PLA2G4B: variants seen among roughly 807,000 people sequenced by gnomAD.
PLA2G4B encodes the protein cytosolic phospholipase A2 beta.
Under a neutral mutation model 95.8 loss-of-function variants are expected in PLA2G4B, and 122 were observed. The observed-to-expected ratio is 1.27, with a 90% CI of 1.10 to 1.48. The LOEUF (loss-of-function observed/expected upper bound fraction) is 1.48. PLA2G4B is among the 40% of genes most tolerant of loss of function. The pLI, the probability that PLA2G4B is intolerant of heterozygous loss-of-function variation, is 0.00. For missense variants in PLA2G4B, 1,158 were observed against 996.2 expected, an observed-to-expected ratio of 1.16 and a Z score of -2.19; for synonymous variants, 518 against 421.5, an observed-to-expected ratio of 1.23 and a Z score of -2.80.
chr15:41,845,053 G>T lies in PLA2G4B; in HGVS notation c.1222G>T (p.Ala408Ser). Residue 408 changes from alanine to serine, a missense_variant, in exon 13 of 20, where the codon GCG (alanine) becomes TCG (serine). By Grantham distance (99) the Ala-to-Ser change is moderately conservative (BLOSUM62 1). Transcript: ENST00000458483. Reference protein sequence around the residue: ...FTNLWALINEALLHDEPHDHK... With the variant: ...FTNLWALINESLLHDEPHDHK... ...CAACCTGTGGGCCCTCATCAACGAG[G>T]CGCTGCTGCATGATGAGGTGCGGGG... The T allele has an allele frequency of 6.3e-7, 1 of 1,598,220 alleles. No individual in the cohort carries two copies. Among genetic ancestry groups the T allele is most frequent in the South Asian group, 1.1e-5 (1 of 89,184 alleles).
Position 41,841,277 on chromosome 15 carries a change from A to G in PLA2G4B, c.435+4A>G. On this transcript the variant is annotated splice_donor_region_variant and intron_variant, in intron 6 of 19. Transcript: ENST00000458483. ...CGTCAGCAATGGCGTTCTGGTGGTG[A>G]GTGTGCCAGTGCTCTGGGAGGCGGT... is the stretch of plus-strand genomic sequence containing the variant. The G allele has an allele frequency of 6.2e-7, 1 of 1,612,226 alleles. No homozygotes were observed.
chr15:41,846,556 T>G, intron 17 of PLA2G4B, 113 bp from the exon 18 acceptor site: 1 of 1,512,682 alleles, frequency 6.6e-7, no homozygotes, highest in African/African-American at 1.4e-5. Context: ...TGCAGGGCTG[T>G]GGGGGTGTTG....
chr15:41,840,444 C>T, intron 2 of PLA2G4B, 80 bp from the exon 3 acceptor site: 1 of 1,607,578 alleles, frequency 6.2e-7, no homozygotes, highest in Non-Finnish European at 8.5e-7. Flanking sequence ...CCACATGGGG[C>T]TCTAGGTGAT....
rs771430692 is a variant in PLA2G4B, at chr15:41,846,062, C to A, written c.1600+15C>A. The A allele has an allele frequency of 6.4e-6, 10 of 1,569,418 alleles. No homozygotes were observed. In the South Asian group the frequency reaches 7.0e-5, roughly 11 times the overall value. On this transcript the variant is annotated intron_variant, in intron 16 of 19. Coordinates refer to ENST00000458483, the MANE Select transcript of PLA2G4B (RefSeq NM_001114633.2). ...GGCCAACCTGGGTAAGTGCTCCGGG[C>A]CCTTCATAAGGGTGCCAAGGGGCAG...
chr15:41,842,364 G>A (rs1047829684), intron 9 of PLA2G4B, 88 bp downstream of exon 9: 12 of 1,581,020 alleles, frequency 7.6e-6, no homozygotes, highest in South Asian at 5.7e-5. Context: ...CCGCTTCTCC[G>A]TGGGTCACAC....
At position 41,840,217 on chromosome 15, in the gene PLA2G4B, C is replaced by G. The variant is rs2065400337; in HGVS notation, c.69C>G (p.Pro23=). Residue 23 remains proline, a synonymous_variant, in exon 2 of 20, where the codon CCC becomes CCG. Coordinates refer to ENST00000458483, the MANE Select transcript of PLA2G4B (RefSeq NM_001114633.2). ...TVRVLQAHRL[P]SKDLVTPSDC... ...GTGTCCTGCAGGCCCATCGCCTACC[C>G]TCTAAGGACCTAGGTGAGTGCGCAC... The G allele has an allele frequency of 6.2e-7, 1 of 1,613,182 alleles. No individual in the cohort carries two copies. Among genetic ancestry groups the G allele is most frequent in the Non-Finnish European group, 8.5e-7 (1 of 1,180,016 alleles).
chr15:41,840,187 G>C lies in PLA2G4B; in HGVS notation c.39G>C (p.Thr13=). ...VAEVSRTCLL[T]VRVLQAHRLP... ...AGGTGTCCAGGACCTGCCTGCTCAC[G>C]GTTCGTGTCCTGCAGGCCCATCGCC... The change falls in exon 2 of 20, where the codon ACG becomes ACC. Residue 13 remains threonine (T), a synonymous_variant. Transcript: ENST00000458483. 1 of 1,613,292 alleles carries C rather than the reference G, an allele frequency of 6.2e-7. No individual in the cohort carries two copies. The highest frequency in any genetic ancestry group is 8.5e-7 in the Non-Finnish European group (1 of 1,180,010).
At chr15:41,846,159 A>C in intron 16 of PLA2G4B, 44 bp from the exon 17 acceptor site, 1 of 1,598,084 alleles carries the variant, frequency 6.3e-7, no homozygotes, top group South Asian at 1.1e-5. Context: ...CAAGGTGGGG[A>C]TAAAGGTGCA....
At position 41,844,462 on chromosome 15, in the gene PLA2G4B, C is replaced by A; in HGVS notation, c.880-9C>A. On this transcript the variant is annotated splice_polypyrimidine_tract_variant and intron_variant, in intron 11 of 19. Coordinates refer to ENST00000458483, the MANE Select transcript of PLA2G4B (RefSeq NM_001114633.2). Reference sequence around the variant, plus strand: ...GGGCCTCTACAGGCCTGGCTCTCTTCTTTTCCAGATCCCAGTGGTAGCTAT... The same window carrying A: ...GGGCCTCTACAGGCCTGGCTCTCTTATTTTCCAGATCCCAGTGGTAGCTAT... 6.2e-7 allele frequency: 1 copy of A among 1,613,898 alleles called. No homozygotes were observed. Among genetic ancestry groups the A allele is most frequent in the Admixed American group, 1.7e-5 (1 of 60,010 alleles).
In PLA2G4B at chr15:41,845,760, A is replaced by G. The variant is rs1567172290; in HGVS notation, c.1480A>G (p.Ile494Val). 3.7e-6 allele frequency: 6 copies of G among 1,602,864 alleles called. No homozygotes were observed. Among genetic ancestry groups the G allele is most frequent in the African/African-American group, 1.3e-5 (1 of 74,498 alleles). The change falls in exon 15 of 20, where the codon ATC becomes GTC. Residue 494 changes from isoleucine to valine, a missense_variant. By Grantham distance (29) the Ile-to-Val change is conservative (BLOSUM62 3). Coordinates refer to ENST00000458483, the MANE Select transcript of PLA2G4B (RefSeq NM_001114633.2). ...QLMKRLPESR[I>V]CFLEGIWSNL... ...GATGAAGAGGCTTCCTGAGTCCCGCATCTGCTTCTTAGAAGGTGAGGGGCA... is the reference window on the plus strand; with the variant it reads ...GATGAAGAGGCTTCCTGAGTCCCGCGTCTGCTTCTTAGAAGGTGAGGGGCA...
Position 41,846,731 on chromosome 15 carries a change from G to A in PLA2G4B, c.1843G>A (p.Asp615Asn), listed in dbSNP as rs1344905284. 1 of 1,613,964 alleles carries A rather than the reference G, an allele frequency of 6.2e-7. No individual in the cohort carries two copies. The highest frequency in any genetic ancestry group is 8.5e-7 in the Non-Finnish European group (1 of 1,179,954). ...CTCGGAGCCCCACCTGTGCCTGCTGGATGTTGGCTACCTCATCAATACCAG... is the reference window on the plus strand; with the variant it reads ...CTCGGAGCCCCACCTGTGCCTGCTGAATGTTGGCTACCTCATCAATACCAG... ...TPSEPHLCLL[D>N]VGYLINTSCL... The change falls in exon 18 of 20, where the codon GAT becomes AAT. Residue 615 changes from aspartate to asparagine, a missense_variant. By Grantham distance (23) the Asp-to-Asn change is conservative. Transcript: ENST00000458483.
chr15:41,846,549 AG>A, intron 17 of PLA2G4B, 119 bp from the exon 18 acceptor site: 1 of 1,503,412 alleles, frequency 6.7e-7, no homozygotes, highest in Non-Finnish European at 8.9e-7. Flanking sequence ...GCCCACCTGC[AG>A]GGCTGTGGGG....
At chr15:41,842,693 A>G in intron 10 of PLA2G4B, 102 bp downstream of exon 10, 1 of 1,525,898 alleles carries the variant, frequency 6.6e-7, no homozygotes. Context: ...GCCGCCCCTC[A>G]TCCTCATGCT....
At position 41,844,563 on chromosome 15, in the gene PLA2G4B, C is replaced by G. The variant is rs1406408156; in HGVS notation, c.972C>G (p.Leu324=). The G allele has an allele frequency of 1.1e-5, 17 of 1,614,204 alleles. No individual in the cohort carries two copies. Among genetic ancestry groups the G allele is most frequent in the African/African-American group, 2.7e-5 (2 of 75,058 alleles). The change falls in exon 12 of 20, where the codon CTC becomes CTG. Residue 324 remains leucine, a synonymous_variant. Transcript: ENST00000458483. ...GQLAGLKELG[L]LDCVSYITGA... ...TGGCTGGCCTGAAGGAGCTGGGCCT[C>G]TTGGATTGCGTCTCCTACATCACCG... is the stretch of plus-strand genomic sequence containing the variant.
At chr15:41,841,351 A>C in intron 6 of PLA2G4B, 78 bp downstream of exon 6, 1 of 1,610,808 alleles carries the variant, frequency 6.2e-7, no homozygotes, top group South Asian at 1.1e-5. Context: ...GTACAGGCCC[A>C]CCGCTGCCTC....
intron 9 of PLA2G4B, 94 bp downstream of exon 9, chr15:41,842,370 C>A: frequency 1.3e-6 from 2 of 1,574,150 alleles, no homozygotes; most frequent in South Asian, 2.3e-5. Flanking sequence ...CTCCGTGGGT[C>A]ACACCCTGAG....
chr15:41,847,417 C>A lies in PLA2G4B; in HGVS notation c.2028C>A (p.Leu676=). The change falls in exon 19 of 20, where the codon CTC becomes CTA. Residue 676 remains leucine, a synonymous_variant. Transcript: ENST00000458483. ...PPISPSPEEQ[L]QPRECHTFSD... ...TCTCGCCCAGCCCCGAAGAGCAGCT[C>A]CAGCCTCGGGAGTGCCACACCTTCT... 3 of 1,613,422 alleles carry A rather than the reference C, an allele frequency of 1.9e-6. No homozygotes were observed. Among genetic ancestry groups the A allele is most frequent in the Non-Finnish European group, 2.5e-6 (3 of 1,179,936 alleles).
chr15:41,841,103 A>C lies in PLA2G4B; in HGVS notation c.392+8A>C. The C allele has an allele frequency of 6.2e-7, 1 of 1,602,118 alleles. No individual in the cohort carries two copies. Among genetic ancestry groups the C allele is most frequent in the Non-Finnish European group, 8.5e-7 (1 of 1,171,380 alleles). ...ATTTCGCCTGCAGAGTCTGTGAGTCAGGGGCCTGGGGCAGTTTGGGTGGGA... is the reference window on the plus strand; with the variant it reads ...ATTTCGCCTGCAGAGTCTGTGAGTCCGGGGCCTGGGGCAGTTTGGGTGGGA... On this transcript the variant is annotated splice_region_variant and intron_variant, in intron 5 of 19. Coordinates refer to ENST00000458483, the MANE Select transcript of PLA2G4B (RefSeq NM_001114633.2).
chr15:41,845,784 C>A lies in PLA2G4B; in HGVS notation c.1495+9C>A. ...CATCTGCTTCTTAGAAGGTGAGGGG[C>A]ACTGGCAGGCTGGGGAAGCTGGGCC... is the stretch of plus-strand genomic sequence containing the variant. On this transcript the variant is annotated intron_variant, in intron 15 of 19. Coordinates refer to ENST00000458483, the MANE Select transcript of PLA2G4B (RefSeq NM_001114633.2). 6.3e-7 allele frequency: 1 copy of A among 1,585,440 alleles called. No individual in the cohort carries two copies. The highest frequency in any genetic ancestry group is 8.6e-7 in the Non-Finnish European group (1 of 1,165,068).
Sources: allele counts gnomAD v4.1 joint callset, GRCh38; gene constraint gnomAD v4.1.1; transcripts MANE v1.5; gene names NCBI Gene and HGNC (gene_info 2026-07-23, HGNC 2026-07-21).